The following ARHGAP39 variants were observed in gnomAD, a reference collection of about 807,000 sequenced individuals.
ARHGAP39 encodes the protein rho GTPase-activating protein 39.
Under a neutral mutation model 106.9 loss-of-function variants are expected in ARHGAP39, and 44 were observed. That is an observed-to-expected ratio of 0.41 (90% CI 0.32 to 0.53). The LOEUF (loss-of-function observed/expected upper bound fraction) is 0.53, where lower values mean the gene tolerates loss of function less well. Among genes scored for constraint, ARHGAP39 ranks in the 20% least tolerant of loss-of-function variants. The pLI is 0.21. For missense variants in ARHGAP39, 1,496 were observed against 1,577.3 expected, an observed-to-expected ratio of 0.95 and a Z score of 0.87; for synonymous variants, 768 against 693.2, an observed-to-expected ratio of 1.11 and a Z score of -1.69.
intron 3 of ARHGAP39, among the ~76,000 whole-genome samples, chr8:144,577,930 G>A (rs1468755002): frequency 6.6e-6 from 1 of 152,014 alleles, no homozygotes; most frequent in Non-Finnish European, 1.5e-5. Flanking sequence ...TTGCTTGGAT[G>A]AAATATCAGC....
intron 2 of ARHGAP39, among the ~76,000 whole-genome samples, chr8:144,601,961 GTT>G (rs1819992371): frequency 7.1e-6 from 1 of 140,560 alleles, no homozygotes; most frequent in Non-Finnish European, 1.5e-5. Context: ...GTGTACCTGT[GTT>G]CATGTGCGTG....
chr8:144,699,293 G>C, the ARHGAP39 span: 1 of 60,696 alleles, frequency 1.6e-5, no homozygotes, highest in Non-Finnish European at 3.3e-5. Flanking sequence ...CGGGGCCTTG[G>C]GGCGGGCGCT....
intron 3 of ARHGAP39, among the ~76,000 whole-genome samples, chr8:144,560,923 C>T (rs904479327): frequency 3.3e-5 from 5 of 152,224 alleles, no homozygotes; most frequent in African/African-American, 4.8e-5. Flanking sequence ...CTTACACTAA[C>T]GTATGTTCTA....
At position 144,547,329 on chromosome 8, in the gene ARHGAP39, T is replaced by C; in HGVS notation, c.1757A>G (p.Glu586Gly). ...WDSQQDGSGYESDGALPLPMP... is the reference protein window; with the variant it reads ...WDSQQDGSGYGSDGALPLPMP... Reference sequence around the variant, plus strand: ...GGGCAGTGGCAGGGCGCCGTCGCTCTCGTAGCCAGAGCCGTCCTGCTGGGA... The same window carrying C: ...GGGCAGTGGCAGGGCGCCGTCGCTCCCGTAGCCAGAGCCGTCCTGCTGGGA... Residue 586 changes from glutamate to glycine, a missense_variant, in exon 5 of 12, where the codon GAG (glutamate) becomes GGG (glycine). Glu to Gly is a moderately conservative substitution (Grantham distance 98). Transcript: ENST00000377307. The surrounding 1 kb of genome is among the most constrained non-coding windows in gnomAD (Gnocchi z 5.2). 1.2e-6 allele frequency: 2 copies of C among 1,608,852 alleles called. No homozygotes were observed. Among genetic ancestry groups the C allele is most frequent in the Non-Finnish European group, 1.7e-6 (2 of 1,178,998 alleles).
chr8:144,543,875 A>C (rs1817295696), intron 6 of ARHGAP39: 1 of 148,304 alleles, frequency 6.7e-6, no homozygotes, highest in Non-Finnish European at 1.5e-5. Context: ...TCACTTGCCT[A>C]CTCTCGGGGG....
At chr8:144,654,537 C>T (rs186441191) in intron 1 of ARHGAP39, among the ~76,000 whole-genome samples, 2 of 152,330 alleles carry the variant, frequency 1.3e-5, no homozygotes, top group East Asian at 3.9e-4. Flanking sequence ...AAAACTGTTG[C>T]TGGCAGCGGC....
At chr8:144,699,114 C>T in the ARHGAP39 span, 749 of 315,686 alleles carry the variant, frequency 2.4e-3, 9 homozygotes, top group African/African-American at 0.016. Context: ...GCCTCTCAGG[C>T]GCTGGGCGAT....
chr8:144,581,283 G>A lies in ARHGAP39; in HGVS notation c.81-6C>T. The A allele has an allele frequency of 6.5e-7, 1 of 1,540,348 alleles. No individual in the cohort carries two copies. The highest frequency in any genetic ancestry group is 8.8e-7 in the Non-Finnish European group (1 of 1,141,212). On this transcript the variant is annotated splice_polypyrimidine_tract_variant and splice_region_variant and intron_variant, in intron 2 of 11. Transcript: ENST00000377307. ...TGATCTCCACCCACTCCAACCTGGG[G>A]AGAGACAGGGTTAAGGCGGCTGGAG...
rs749420772 is a variant in ARHGAP39, at chr8:144,533,084, G to GGCTGTGGCCCCC, written c.2888+30_2888+41dup. ...TGCCACAGATGCATGGTGGACACAT[G>GGCTGTGGCCCCC]GCTGTGGCCCCCACACCCGGCGCCC... On this transcript the variant is annotated intron_variant, in intron 9 of 11. Coordinates refer to ENST00000377307, the MANE Select transcript of ARHGAP39 (RefSeq NM_025251.3). The GGCTGTGGCCCCC allele has an allele frequency of 3.8e-6, 6 of 1,577,708 alleles. No homozygotes were observed. In the South Asian group the frequency reaches 6.7e-5, roughly 18 times the overall value.
intron 1 of ARHGAP39, among the ~76,000 whole-genome samples, chr8:144,611,724 T>A (rs559412089): frequency 1.3e-5 from 2 of 152,256 alleles, no homozygotes; most frequent in East Asian, 3.9e-4. Flanking sequence ...TATTTAAATT[T>A]AAAGAGGGTG....
chr8:144,563,258 G>C (rs1481743659), intron 3 of ARHGAP39, among the ~76,000 whole-genome samples: 1 of 152,140 alleles, frequency 6.6e-6, no homozygotes, highest in Admixed American at 6.5e-5. Context: ...AATCTATTAG[G>C]AGTTACTGAA....
At chr8:144,669,377 G>A (rs1822041404) in intron 1 of ARHGAP39, among the ~76,000 whole-genome samples, 2 of 129,862 alleles carry the variant, frequency 1.5e-5, no homozygotes, top group Admixed American at 7.9e-5. Flanking sequence ...CGTGGTGGCG[G>A]GCGCCTGTAG....
At chr8:144,642,116 T>C (rs547552861) in intron 1 of ARHGAP39, among the ~76,000 whole-genome samples, 10 of 152,320 alleles carry the variant, frequency 6.6e-5, no homozygotes, top group Admixed American at 2.0e-4. Context: ...GGCGGGCTGA[T>C]TGCTTGAGTG....
chr8:144,632,784 A>G (rs553594327), intron 1 of ARHGAP39, among the ~76,000 whole-genome samples: 100 of 152,344 alleles, frequency 6.6e-4, no homozygotes, highest in African/African-American at 2.4e-3. Flanking sequence ...CCCAAACCCT[A>G]ATTTCTCACA....
chr8:144,592,529 G>A (rs1330262685), intron 2 of ARHGAP39, among the ~76,000 whole-genome samples: 1 of 138,144 alleles, frequency 7.2e-6, no homozygotes, highest in African/African-American at 2.9e-5. Context: ...CCTCCTGGGG[G>A]ACAGCACTGA....
intron 6 of ARHGAP39, among the ~76,000 whole-genome samples, chr8:144,538,841 G>A (rs1400915424): frequency 6.6e-6 from 1 of 151,938 alleles, no homozygotes; most frequent in Non-Finnish European, 1.5e-5. Context: ...AAAGTGCTGG[G>A]ATTACAGGTG....
chr8:144,555,252 A>G (rs1817871897), intron 4 of ARHGAP39, among the ~76,000 whole-genome samples: 1 of 152,256 alleles, frequency 6.6e-6, no homozygotes, highest in Admixed American at 6.5e-5. Context: ...CTGAGATGCC[A>G]GGGGTGGACC....
intron 1 of ARHGAP39, among the ~76,000 whole-genome samples, chr8:144,627,243 C>T (rs1309578093): frequency 6.6e-6 from 1 of 152,186 alleles, no homozygotes; most frequent in Non-Finnish European, 1.5e-5. Context: ...GGTTGACCTT[C>T]CAGGCCACAA....
At chr8:144,598,579 G>T (rs562679679) in intron 2 of ARHGAP39, among the ~76,000 whole-genome samples, 16 of 152,340 alleles carry the variant, frequency 1.1e-4, no homozygotes, top group Middle Eastern at 3.4e-3. Context: ...CTAACAAATG[G>T]CACGGGGACA....
Sources: gnomAD v4.1 joint callset for allele counts (sites outside exome capture counted in the v4.1 genomes callset) on GRCh38, gnomAD v4.1.1 for gene constraint, Gnocchi (gnomAD v3.1) non-coding constraint, MANE v1.5 for transcripts, NCBI Gene and HGNC (gene_info 2026-07-23, HGNC 2026-07-21) for gene names.